MYO10: variants seen among roughly 807,000 people sequenced by gnomAD.
MYO10 encodes myosin X, also known as unconventional myosin-X.
MYO10 carries 133 observed loss-of-function variants against 257.3 expected under a neutral mutation model. The observed-to-expected ratio is 0.52, with a 90% CI of 0.45 to 0.60. MYO10 has a LOEUF of 0.60. Ranked by LOEUF, MYO10 falls within the 20% of genes least tolerant of loss-of-function variation. The pLI is 0.00. For missense variants in MYO10, 2,399 were observed against 2,635.7 expected (o/e 0.91, Z 1.97); for synonymous variants, 1,104 against 1,028.6 (o/e 1.07, Z -1.40).
intron 2 of MYO10, among the ~76,000 whole-genome samples, chr5:16,847,887 A>C (rs1743684167): frequency 6.6e-6 from 1 of 152,186 alleles, no homozygotes; most frequent in Non-Finnish European, 1.5e-5. Flanking sequence ...ACATAGCAAG[A>C]CCCTGTCTCT....
At chr5:16,754,202 G>A (rs989273432) in intron 19 of MYO10, among the ~76,000 whole-genome samples, 1 of 152,034 alleles carries the variant, frequency 6.6e-6, no homozygotes, top group Non-Finnish European at 1.5e-5. Context: ...TGGATTCAGC[G>A]ACTGCATATA....
chr5:16,700,222 T>C (rs1737979214), intron 25 of MYO10, among the ~76,000 whole-genome samples: 1 of 152,200 alleles, frequency 6.6e-6, no homozygotes, highest in South Asian at 2.1e-4. Context: ...ATTGTGAAGT[T>C]AGTACAAGGA....
intron 35 of MYO10, among the ~76,000 whole-genome samples, chr5:16,674,201 C>G (rs1368324614): frequency 6.6e-6 from 1 of 152,250 alleles, no homozygotes; most frequent in East Asian, 1.9e-4. Context: ...GGCGCCGTGG[C>G]TAACGCCTGT....
At chr5:16,778,848 G>A (rs567978500) in intron 9 of MYO10, among the ~76,000 whole-genome samples, 158 of 152,086 alleles carry the variant, frequency 1.0e-3, no homozygotes, top group African/African-American at 3.6e-3. Flanking sequence ...CCGCCACCAC[G>A]CCCGGCTAAT....
chr5:16,894,294 T>C (rs1292142578), intron 1 of MYO10, among the ~76,000 whole-genome samples: 4 of 152,186 alleles, frequency 2.6e-5, no homozygotes, highest in African/African-American at 9.6e-5. Flanking sequence ...TGAGAAATGC[T>C]GGTCAGGTAT....
At chr5:16,810,329 C>T (rs1345823927) in intron 3 of MYO10, among the ~76,000 whole-genome samples, 1 of 152,206 alleles carries the variant, frequency 6.6e-6, no homozygotes, top group Non-Finnish European at 1.5e-5. Flanking sequence ...ACCTCCCTCC[C>T]TACAGTCCCC....
chr5:16,827,158 C>A (rs1329462614), intron 2 of MYO10, among the ~76,000 whole-genome samples: 1 of 152,124 alleles, frequency 6.6e-6, no homozygotes, highest in Non-Finnish European at 1.5e-5. Flanking sequence ...GGAATCTAAT[C>A]AAAAGGAAAT....
At chr5:16,886,382 G>A (rs1255779891) in intron 1 of MYO10, among the ~76,000 whole-genome samples, 1 of 152,132 alleles carries the variant, frequency 6.6e-6, no homozygotes, top group Admixed American at 6.6e-5. Flanking sequence ...ATAGGCAACC[G>A]CAAGAACAAC....
chr5:16,813,278 G>T (rs892180125), intron 3 of MYO10, among the ~76,000 whole-genome samples: 1 of 152,102 alleles, frequency 6.6e-6, no homozygotes, highest in African/African-American at 2.4e-5. Flanking sequence ...CCAACACGTT[G>T]GAAGGCCCAG....
At chr5:16,861,302 A>G (rs1470845265) in intron 2 of MYO10, among the ~76,000 whole-genome samples, 1 of 151,862 alleles carries the variant, frequency 6.6e-6, no homozygotes, top group Non-Finnish European at 1.5e-5. Context: ...GCAGTGGCTC[A>G]TGCCTGTAAT....
intron 19 of MYO10, among the ~76,000 whole-genome samples, chr5:16,754,473 A>T (rs532067709): frequency 2.0e-5 from 3 of 150,468 alleles, no homozygotes; most frequent in African/African-American, 4.9e-5. Flanking sequence ...TAAAAACTTT[A>T]AAAAAAAAAT....
At chr5:16,686,905 C>T (rs1737278894) in intron 28 of MYO10, among the ~76,000 whole-genome samples, 1 of 152,108 alleles carries the variant, frequency 6.6e-6, no homozygotes, top group African/African-American at 2.4e-5. Context: ...GTCAATAAAA[C>T]CACAGGAGAG....
chr5:16,795,305 G>A (rs1051515798), intron 3 of MYO10, among the ~76,000 whole-genome samples: 1 of 152,154 alleles, frequency 6.6e-6, no homozygotes, highest in Non-Finnish European at 1.5e-5. Context: ...TAGGGTGATG[G>A]GGAAGTTCTG....
chr5:16,765,632 T>G (rs893900932), intron 11 of MYO10, among the ~76,000 whole-genome samples: 10 of 152,202 alleles, frequency 6.6e-5, no homozygotes, highest in Non-Finnish European at 1.0e-4. Context: ...CACATTATTG[T>G]CGTAAGTAAT....
Position 16,727,481 on chromosome 5 carries a change from A to G in MYO10, c.1930-16236T>C, listed in dbSNP as rs1324443884. 2.6e-5 allele frequency among the ~76,000 whole-genome samples: 4 copies of G among 152,340 alleles called. No homozygotes were observed. In the East Asian group the frequency reaches 7.7e-4, roughly 29 times the overall value. Reference sequence around the variant, plus strand: ...ATAACATTACCCATTTTTCAAAGATAAAAAACAATGCTCATGCAAATACTG... The same window carrying G: ...ATAACATTACCCATTTTTCAAAGATGAAAAACAATGCTCATGCAAATACTG... On this transcript the variant is annotated intron_variant, in intron 19 of 40. Transcript: ENST00000513610.
chr5:16,838,115 A>C (rs1743367505), intron 2 of MYO10, among the ~76,000 whole-genome samples: 2 of 152,196 alleles, frequency 1.3e-5, no homozygotes, highest in Admixed American at 1.3e-4. Flanking sequence ...CCAATGAAAT[A>C]ACCCCACAAT....
At chr5:16,810,828 T>C (rs1426847741) in intron 3 of MYO10, among the ~76,000 whole-genome samples, 3 of 151,820 alleles carry the variant, frequency 2.0e-5, no homozygotes, top group Admixed American at 6.6e-5. Context: ...CCCAACACTT[T>C]GAGAGGCCAA....
At chr5:16,689,734 C>T in intron 28 of MYO10, 90 bp downstream of exon 28, 1 of 1,069,978 alleles carries the variant, frequency 9.3e-7, no homozygotes, top group Non-Finnish European at 1.4e-6. Flanking sequence ...TTTTCAAGGC[C>T]AGTACAGTAA....
intron 19 of MYO10, among the ~76,000 whole-genome samples, chr5:16,752,327 G>A (rs1330032931): frequency 6.6e-6 from 1 of 152,262 alleles, no homozygotes; most frequent in Non-Finnish European, 1.5e-5. Flanking sequence ...GTATTCCACA[G>A]GCTGGAGTGC....
Sources: allele counts gnomAD v4.1 joint callset (sites outside exome capture counted in the v4.1 genomes callset), GRCh38; gene constraint gnomAD v4.1.1; transcripts MANE v1.5; gene names NCBI Gene and HGNC (gene_info 2026-07-23, HGNC 2026-07-21).